The following CNTNAP5 variants were observed in gnomAD, a reference collection of about 807,000 sequenced individuals.
CNTNAP5 encodes the protein contactin associated protein family member 5.
A neutral mutation model predicts 150.2 loss-of-function variants in CNTNAP5; 72 were observed. That is an observed-to-expected ratio of 0.48 (90% confidence interval 0.40 to 0.58). The LOEUF (loss-of-function observed/expected upper bound fraction) is 0.58, where lower values mean the gene tolerates loss of function less well. CNTNAP5 is among the 20% of genes least tolerant of loss of function. The pLI, the probability that CNTNAP5 is intolerant of heterozygous loss-of-function variation, is 0.00. For synonymous variants in CNTNAP5, 672 were observed against 619.8 expected (o/e 1.08, Z -1.25); for missense variants, 1,636 against 1,626.2 (o/e 1.01, Z -0.10).
intron 21 of CNTNAP5, among the ~76,000 whole-genome samples, chr2:124,897,488 G>A (rs979302578): frequency 1.3e-5 from 2 of 151,464 alleles, no homozygotes; most frequent in African/African-American, 4.9e-5. Flanking sequence ...AGGTACAGAA[G>A]TTATCCAGGT....
intron 10 of CNTNAP5, among the ~76,000 whole-genome samples, chr2:124,537,338 A>C (rs1002070455): frequency 4.6e-5 from 7 of 152,180 alleles, no homozygotes; most frequent in African/African-American, 1.7e-4. Flanking sequence ...TCTTGCATTA[A>C]AATCACAAAG....
At chr2:124,255,587 TAA>T (rs1223772267) in intron 3 of CNTNAP5, among the ~76,000 whole-genome samples, 13 of 60,350 alleles carry the variant, frequency 2.2e-4, no homozygotes, top group Admixed American at 3.8e-4. Context: ...AATAAAATAA[TAA>T]TTTTTTTTTA....
chr2:124,261,635 T>C (rs1235073619), intron 3 of CNTNAP5, among the ~76,000 whole-genome samples: 1 of 152,164 alleles, frequency 6.6e-6, no homozygotes, highest in East Asian at 1.9e-4. Flanking sequence ...CAGGAGATGT[T>C]CCACCTGCCT....
At position 124,776,322 on chromosome 2, in the gene CNTNAP5, A is replaced by G. The variant is rs564789315; in HGVS notation, c.2752+3305A>G. ...TGGCCCAACTGCTCTATTTGTGTCA[A>G]AATAAACTGAAGCTACTCCAAACTT... On this transcript the variant is annotated intron_variant, in intron 17 of 23. Coordinates refer to ENST00000682447, the MANE Select transcript of CNTNAP5 (RefSeq NM_001367498.1). 1.4e-4 allele frequency among the ~76,000 whole-genome samples: 22 copies of G among 152,162 alleles called. No individual in the cohort carries two copies. The East Asian group carries it at 4.3e-3, about 29-fold the overall frequency.
intron 19 of CNTNAP5, among the ~76,000 whole-genome samples, chr2:124,862,322 C>T (rs529104169): frequency 9.7e-4 from 147 of 152,246 alleles, no homozygotes; most frequent in African/African-American, 3.3e-3. Flanking sequence ...GAAATTGCAT[C>T]GCATTCATGG....
In CNTNAP5 at chr2:124,483,480, A is replaced by G. The variant is rs564849167; in HGVS notation, c.1062+8598A>G. ...ATTGTGGAGCACAGTGCTGAGAAAA[A>G]CTGTAGGGCTGTATTCAGAGTGGGT... On this transcript the variant is annotated intron_variant, in intron 7 of 23. Coordinates refer to ENST00000682447, the MANE Select transcript of CNTNAP5 (RefSeq NM_001367498.1). 3.3e-5 allele frequency among the ~76,000 whole-genome samples: 5 copies of G among 152,214 alleles called. No homozygotes were observed. In the South Asian group the frequency reaches 1.0e-3, roughly 32 times the overall value.
chr2:124,514,279 G>T (rs774887657), intron 8 of CNTNAP5, among the ~76,000 whole-genome samples: 1 of 152,210 alleles, frequency 6.6e-6, no homozygotes, highest in Non-Finnish European at 1.5e-5. Flanking sequence ...TTTCTTGGGC[G>T]TCTTCAGCTT....
intron 19 of CNTNAP5, among the ~76,000 whole-genome samples, chr2:124,814,358 A>C (rs749134734): frequency 6.6e-6 from 1 of 151,788 alleles, no homozygotes; most frequent in Admixed American, 6.6e-5. Flanking sequence ...CAAAGACTGC[A>C]TTAAGAGCCC....
At chr2:124,349,725 T>G (rs1573932995) in intron 3 of CNTNAP5, among the ~76,000 whole-genome samples, 1 of 152,166 alleles carries the variant, frequency 6.6e-6, no homozygotes, top group East Asian at 1.9e-4. Flanking sequence ...TGTAAGATAT[T>G]TTTACTCTGA....
chr2:124,672,530 A>G (rs1295293796), intron 13 of CNTNAP5, among the ~76,000 whole-genome samples: 1 of 152,238 alleles, frequency 6.6e-6, no homozygotes, highest in East Asian at 1.9e-4. Flanking sequence ...TGCCTAATAC[A>G]GGTGATCTTG....
At chr2:124,179,045 G>A (rs1400534994) in intron 1 of CNTNAP5, among the ~76,000 whole-genome samples, 1 of 151,300 alleles carries the variant, frequency 6.6e-6, no homozygotes, top group African/African-American at 2.4e-5. Flanking sequence ...AGGCTGTATT[G>A]ATATTAGTGT....
chr2:124,818,682 C>T (rs536773671), intron 19 of CNTNAP5, among the ~76,000 whole-genome samples: 1 of 152,280 alleles, frequency 6.6e-6, no homozygotes, highest in African/African-American at 2.4e-5. Flanking sequence ...CTCCTGTAGC[C>T]ACAAGCCTCT....
At chr2:124,890,840 G>T (rs1225831331) in intron 21 of CNTNAP5, among the ~76,000 whole-genome samples, 4 of 152,082 alleles carry the variant, frequency 2.6e-5, no homozygotes, top group African/African-American at 9.7e-5. Flanking sequence ...TCATAAGCTG[G>T]TAAGTGTATA....
Position 124,195,885 on chromosome 2 carries a change from G to A in CNTNAP5, c.83-25820G>A, listed in dbSNP as rs116406821. Among the ~76,000 whole-genome samples, 515 of 152,204 alleles carry A rather than the reference G, an allele frequency of 3.4e-3. 4 individuals are homozygous for A. The highest frequency in any genetic ancestry group is 0.012 in the African/African-American group (495 of 41,534). ...GATGAGGAGCTATAATTTGCTCCTAGTTTTTTAAGAACTGAGATTCTGTGC... is the reference window on the plus strand; with the variant it reads ...GATGAGGAGCTATAATTTGCTCCTAATTTTTTAAGAACTGAGATTCTGTGC... On this transcript the variant is annotated intron_variant, in intron 1 of 23. Transcript: ENST00000682447.
At chr2:124,531,325 A>C (rs1573440205) in intron 10 of CNTNAP5, among the ~76,000 whole-genome samples, 1 of 152,162 alleles carries the variant, frequency 6.6e-6, no homozygotes, top group Non-Finnish European at 1.5e-5. Context: ...TTGCTTGCTC[A>C]CCTGACACTC....
intron 10 of CNTNAP5, among the ~76,000 whole-genome samples, chr2:124,538,053 C>G (rs1356027664): frequency 6.6e-6 from 1 of 152,148 alleles, no homozygotes; most frequent in Non-Finnish European, 1.5e-5. Context: ...CAAGCACTTC[C>G]AAAGACGAGG....
chr2:124,077,405 T>C (rs893309829), intron 1 of CNTNAP5, among the ~76,000 whole-genome samples: 3 of 152,164 alleles, frequency 2.0e-5, no homozygotes. Context: ...AACTCCCAAA[T>C]TCAAAGTCCA....
At chr2:124,856,816 C>A (rs1677384912) in intron 19 of CNTNAP5, among the ~76,000 whole-genome samples, 1 of 152,148 alleles carries the variant, frequency 6.6e-6, no homozygotes, top group Non-Finnish European at 1.5e-5. Context: ...TTTCTTGAAG[C>A]TAGTTATGTC....
In CNTNAP5 at chr2:124,586,122, T is replaced by C. The variant is rs147632991; in HGVS notation, c.1756+22799T>C. 3.2e-3 allele frequency among the ~76,000 whole-genome samples: 488 copies of C among 152,248 alleles called. 2 individuals carry two copies. Among genetic ancestry groups the C allele is most frequent in the African/African-American group, 0.011 (464 of 41,550 alleles). On this transcript the variant is annotated intron_variant, in intron 11 of 23. Transcript: ENST00000682447. ...CTTCTCATATATACTATTTAATACC[T>C]GGAGAAAAGAGGCAGGACTTCCTCA...
Sources: gnomAD v4.1 joint callset for allele counts (sites outside exome capture counted in the v4.1 genomes callset) on GRCh38, gnomAD v4.1.1 for gene constraint, MANE v1.5 for transcripts, NCBI Gene and HGNC (gene_info 2026-07-23, HGNC 2026-07-21) for gene names.